The following HACD3 variants were observed in gnomAD, a reference collection of about 807,000 sequenced individuals.
HACD3 encodes the protein 3-hydroxyacyl-CoA dehydratase 3.
In HACD3, 30 loss-of-function variants were observed where a neutral mutation model predicts 55.2. That is an observed-to-expected ratio of 0.54 (90% CI 0.41 to 0.74). The LOEUF (loss-of-function observed/expected upper bound fraction) is 0.74, where lower values mean the gene tolerates loss of function less well. Ranked by LOEUF, HACD3 falls within the 30% of genes least tolerant of loss-of-function variation. The pLI is 0.00. For synonymous variants in HACD3, 141 were observed against 151.7 expected (o/e 0.93, Z 0.52); for missense variants, 363 against 440.1 (o/e 0.82, Z 1.57).
At position 65,548,219 on chromosome 15, in the gene HACD3, T is replaced by A. The variant is rs147724561; in HGVS notation, c.88-3457T>A. ...ATGTAAGTGATTTTATTGTTATTTT[T>A]AAAATTATGGCTGGGCATGGTGGCT... is the stretch of plus-strand genomic sequence containing the variant. On this transcript the variant is annotated intron_variant, in intron 1 of 10. Transcript: ENST00000261875. 3.5e-3 allele frequency among the ~76,000 whole-genome samples: 527 copies of A among 152,226 alleles called. 3 individuals are homozygous for A. Among genetic ancestry groups the A allele is most frequent in the African/African-American group, 0.012 (508 of 41,554 alleles).
intron 1 of HACD3, among the ~76,000 whole-genome samples, chr15:65,540,961 C>G (rs1038655028): frequency 6.6e-6 from 1 of 152,002 alleles, no homozygotes; most frequent in Non-Finnish European, 1.5e-5. Context: ...ACCTTGAGGC[C>G]TTGATGGACT....
intron 1 of HACD3, among the ~76,000 whole-genome samples, chr15:65,532,734 T>C (rs941053483): frequency 6.6e-6 from 1 of 152,124 alleles, no homozygotes; most frequent in Admixed American, 6.6e-5. Flanking sequence ...TTCACATCTG[T>C]AGTTTTGAGG....
At chr15:65,566,090 T>C (rs751807550) in intron 7 of HACD3, 2 of 152,094 alleles carry the variant, frequency 1.3e-5, no homozygotes, top group Admixed American at 6.6e-5. Context: ...TTCCAAGAGG[T>C]TCTTCATCTC....
intron 1 of HACD3, among the ~76,000 whole-genome samples, chr15:65,546,990 A>G (rs1267646780): frequency 6.6e-6 from 1 of 152,226 alleles, no homozygotes; most frequent in African/African-American, 2.4e-5. Flanking sequence ...AAATCCACGT[A>G]TAAGCCTCTT....
At chr15:65,547,311 T>G (rs1296360599) in intron 1 of HACD3, among the ~76,000 whole-genome samples, 2 of 152,132 alleles carry the variant, frequency 1.3e-5, no homozygotes, top group Non-Finnish European at 2.9e-5. Flanking sequence ...GAGACAGGGT[T>G]TCACCATATT....
intron 1 of HACD3, among the ~76,000 whole-genome samples, chr15:65,549,095 A>G (rs1479311809): frequency 6.6e-6 from 1 of 152,110 alleles, no homozygotes; most frequent in East Asian, 1.9e-4. Flanking sequence ...GGTTGTGTAG[A>G]TTGAGCTTTC....
intron 2 of HACD3, 111 bp from the exon 3 acceptor site, chr15:65,554,774 CAA>C (rs373836136): frequency 9.8e-4 from 559 of 571,550 alleles, no homozygotes; most frequent in Middle Eastern, 1.3e-3. Flanking sequence ...GACTCTGTCT[CAA>C]AAAAAAAAAA....
At chr15:65,532,671 G>A (rs1254842195) in intron 1 of HACD3, among the ~76,000 whole-genome samples, 1 of 147,340 alleles carries the variant, frequency 6.8e-6, no homozygotes, top group Admixed American at 6.8e-5. Flanking sequence ...AAAAATTTTT[G>A]GGGAAAAATA....
At chr15:65,546,303 C>T (rs1282878039) in intron 1 of HACD3, among the ~76,000 whole-genome samples, 1 of 152,034 alleles carries the variant, frequency 6.6e-6, no homozygotes, top group African/African-American at 2.4e-5. Flanking sequence ...GACAATTGTT[C>T]ATGTAGATTT....
intron 7 of HACD3, among the ~76,000 whole-genome samples, chr15:65,568,957 AT>A (rs959382329): frequency 2.0e-5 from 3 of 152,160 alleles, no homozygotes; most frequent in East Asian, 1.9e-4. Context: ...ATCAACATAG[AT>A]GAGTCTTGGC....
chr15:65,569,767 C>T (rs2072330570), intron 7 of HACD3, among the ~76,000 whole-genome samples: 1 of 152,152 alleles, frequency 6.6e-6, no homozygotes, highest in Non-Finnish European at 1.5e-5. Flanking sequence ...ATAGGGGTCC[C>T]ACGTTTGTAG....
chr15:65,536,870 A>T (rs1197584743), intron 1 of HACD3, among the ~76,000 whole-genome samples: 4 of 152,248 alleles, frequency 2.6e-5, no homozygotes, highest in African/African-American at 9.6e-5. Context: ...AGGCATGTCA[A>T]AACTGAGACA....
chr15:65,532,120 T>G (rs2141199795), intron 1 of HACD3, among the ~76,000 whole-genome samples: 1 of 152,226 alleles, frequency 6.6e-6, no homozygotes, highest in South Asian at 2.1e-4. Context: ...CAGAATGCCT[T>G]TAAATAGGCT....
intron 7 of HACD3, among the ~76,000 whole-genome samples, chr15:65,568,870 T>A (rs11854388): frequency 3.4e-3 from 520 of 152,282 alleles, no homozygotes; most frequent in African/African-American, 0.011. Context: ...ACAACCCAGA[T>A]ATCTATGAAG....
intron 5 of HACD3, among the ~76,000 whole-genome samples, chr15:65,562,103 C>T (rs1247834083): frequency 2.0e-5 from 3 of 152,338 alleles, no homozygotes; most frequent in South Asian, 4.1e-4. Context: ...TCCCCTTGGG[C>T]CTTTTATGGA....
chr15:65,571,113 A>G (rs1188417768), intron 8 of HACD3, among the ~76,000 whole-genome samples: 1 of 152,240 alleles, frequency 6.6e-6, no homozygotes, highest in African/African-American at 2.4e-5. Flanking sequence ...CTGTTTGAGA[A>G]GGAACATTTA....
chr15:65,572,931 T>A (rs866954484), intron 10 of HACD3, among the ~76,000 whole-genome samples: 2,226 of 129,974 alleles, frequency 0.017, 36 homozygotes, highest in African/African-American at 0.036. Context: ...AAAAAAAAAA[T>A]AAATAAATAA....
chr15:65,549,802 A>G (rs1567334350), intron 1 of HACD3, among the ~76,000 whole-genome samples: 1 of 152,160 alleles, frequency 6.6e-6, no homozygotes, highest in Non-Finnish European at 1.5e-5. Context: ...GGTCCTTGAG[A>G]AGTTAAAACT....
chr15:65,547,683 T>C (rs892634671), intron 1 of HACD3, among the ~76,000 whole-genome samples: 4 of 152,234 alleles, frequency 2.6e-5, no homozygotes, highest in African/African-American at 9.6e-5. Flanking sequence ...TCTGCACACA[T>C]ACTAATCACA....
Sources: gnomAD v4.1 joint callset for allele counts (sites outside exome capture counted in the v4.1 genomes callset) on GRCh38, gnomAD v4.1.1 for gene constraint, MANE v1.5 for transcripts, NCBI Gene and HGNC (gene_info 2026-07-23, HGNC 2026-07-21) for gene names.